Variants in MIPEP observed in about 807,000 individuals in gnomAD.
MIPEP encodes mitochondrial intermediate peptidase.
MIPEP carries 79 observed loss-of-function variants against 90.3 expected under a neutral mutation model. The observed-to-expected ratio is 0.87, with a 90% CI of 0.73 to 1.05. The LOEUF is 1.05. Ranked by LOEUF, MIPEP falls within the 50% of genes least tolerant of loss-of-function variation. MIPEP has a pLI of 0.00. For missense variants in MIPEP, 940 were observed against 905.6 expected, an observed-to-expected ratio of 1.04 and a Z score of -0.49; for synonymous variants, 334 against 315.8, an observed-to-expected ratio of 1.06 and a Z score of -0.61.
chr13:23,803,486 C>T (rs1316300020), intron 16 of MIPEP, among the ~76,000 whole-genome samples: 1 of 152,136 alleles, frequency 6.6e-6, no homozygotes, highest in Non-Finnish European at 1.5e-5. Context: ...TTTTTGTGTG[C>T]AGTGTGATAC....
At chr13:23,865,461 AAAC>A (rs758576778) in intron 7 of MIPEP, among the ~76,000 whole-genome samples, 28 of 152,338 alleles carry the variant, frequency 1.8e-4, no homozygotes, top group Admixed American at 3.3e-4. Flanking sequence ...GTGCCATATG[AAAC>A]AACAATAGGA....
At chr13:23,786,900 C>T (rs896953337) in intron 16 of MIPEP, among the ~76,000 whole-genome samples, 1 of 152,102 alleles carries the variant, frequency 6.6e-6, no homozygotes, top group African/African-American at 2.4e-5. Flanking sequence ...GTTATGCAGA[C>T]CTTCTATAAT....
intron 16 of MIPEP, among the ~76,000 whole-genome samples, chr13:23,800,159 G>A (rs1323496930): frequency 6.6e-6 from 1 of 152,158 alleles, no homozygotes; most frequent in African/African-American, 2.4e-5. Context: ...AAAACCTAGA[G>A]TCAGCTGTTC....
chr13:23,832,618 T>C (rs1442340665), intron 14 of MIPEP, among the ~76,000 whole-genome samples: 1 of 152,074 alleles, frequency 6.6e-6, no homozygotes, highest in Non-Finnish European at 1.5e-5. Context: ...ACGCGGAAGG[T>C]AAAAATCTAC....
chr13:23,784,792 G>C (rs1400782239), intron 16 of MIPEP, among the ~76,000 whole-genome samples: 1 of 152,044 alleles, frequency 6.6e-6, no homozygotes, highest in Non-Finnish European at 1.5e-5. Context: ...AAATTTACAA[G>C]AATAAAACAA....
chr13:23,763,681 A>G (rs1952568789), intron 16 of MIPEP, among the ~76,000 whole-genome samples: 1 of 152,208 alleles, frequency 6.6e-6, no homozygotes, highest in Non-Finnish European at 1.5e-5. Context: ...AGACATCAGG[A>G]TTTGTGCATG....
rs139430390 is a variant in MIPEP, at chr13:23,769,209, G to A, written c.1849-8992C>T. Among the ~76,000 whole-genome samples the A allele has an allele frequency of 3.5e-3, 535 of 152,324 alleles. 4 individuals carry two copies. Among genetic ancestry groups the A allele is most frequent in the Middle Eastern group, 0.017 (5 of 294 alleles). On this transcript the variant is annotated intron_variant, in intron 16 of 18. Coordinates refer to ENST00000382172, the MANE Select transcript of MIPEP (RefSeq NM_005932.4). The stretch of plus-strand genomic sequence containing the variant: ...AAAATAAGGACGTCCATGGTCAGGA[G>A]AGTCAGCCCAGGACAGCAACGGGGC...
intron 18 of MIPEP, among the ~76,000 whole-genome samples, chr13:23,736,398 G>A (rs945821469): frequency 7.2e-5 from 11 of 152,140 alleles, no homozygotes; most frequent in Admixed American, 2.6e-4. Context: ...TAAAGAGTGA[G>A]AATTTAATGT....
At chr13:23,874,389 G>A (rs536291678) in intron 5 of MIPEP, among the ~76,000 whole-genome samples, 1 of 151,972 alleles carries the variant, frequency 6.6e-6, no homozygotes, top group Admixed American at 6.5e-5. Flanking sequence ...GTAAAATGAA[G>A]GGGATGGACT....
chr13:23,735,941 A>G (rs1952259187), intron 18 of MIPEP, among the ~76,000 whole-genome samples: 1 of 152,196 alleles, frequency 6.6e-6, no homozygotes, highest in Admixed American at 6.5e-5. Context: ...AGGTAGTTCC[A>G]CAAGTAAGAA....
At chr13:23,781,072 G>A (rs1336528984) in intron 16 of MIPEP, among the ~76,000 whole-genome samples, 1 of 152,132 alleles carries the variant, frequency 6.6e-6, no homozygotes, top group Non-Finnish European at 1.5e-5. Context: ...TAGCAAGGCA[G>A]GCCAACATTC....
At chr13:23,879,147 G>A in intron 4 of MIPEP, 121 bp downstream of exon 4, 2 of 690,656 alleles carry the variant, frequency 2.9e-6, no homozygotes, top group South Asian at 3.6e-5. Flanking sequence ...GAGTCATAGA[G>A]ATACCTGGGG....
intron 16 of MIPEP, among the ~76,000 whole-genome samples, chr13:23,761,128 T>C (rs1952538071): frequency 7.5e-6 from 1 of 134,166 alleles, no homozygotes; most frequent in Non-Finnish European, 1.6e-5. Context: ...GAATGCATTC[T>C]TTTTTTTTTT....
At chr13:23,795,331 T>C (rs1186046706) in intron 16 of MIPEP, among the ~76,000 whole-genome samples, 2 of 152,204 alleles carry the variant, frequency 1.3e-5, no homozygotes, top group African/African-American at 4.8e-5. Flanking sequence ...TAATAGACAA[T>C]ATATTTGTTT....
intron 14 of MIPEP, among the ~76,000 whole-genome samples, chr13:23,826,144 G>C (rs1868442924): frequency 6.6e-6 from 1 of 152,028 alleles, no homozygotes; most frequent in South Asian, 2.1e-4. Context: ...TTGTTCATCG[G>C]GGAAACTATG....
intron 16 of MIPEP, among the ~76,000 whole-genome samples, chr13:23,780,467 C>A (rs7323911): frequency 0.29 from 43,807 of 151,804 alleles, 6,661 homozygotes; most frequent in South Asian, 0.48. Flanking sequence ...TCACCATCAT[C>A]AAAGACCAAA....
chr13:23,862,621 C>T (rs9510909), intron 8 of MIPEP, among the ~76,000 whole-genome samples: 57,334 of 151,918 alleles, frequency 0.38, 10,971 homozygotes, highest in East Asian at 0.46. Context: ...CTTGGAAAAA[C>T]TAGCAATGTC....
At position 23,809,274 on chromosome 13, in the gene MIPEP, T is replaced by C. The variant is rs539163318; in HGVS notation, c.1728+576A>G. ...AATTAAGTTTGAGCCTTAATTTAGC[T>C]GGCAAAATGTGTGATTTAGAAGTTG... On this transcript the variant is annotated intron_variant, in intron 15 of 18. Coordinates refer to ENST00000382172, the MANE Select transcript of MIPEP (RefSeq NM_005932.4). Among the ~76,000 whole-genome samples, 5 of 152,306 alleles carry C rather than the reference T, an allele frequency of 3.3e-5. No homozygotes were observed. In the South Asian group the frequency reaches 1.0e-3, roughly 32 times the overall value.
chr13:23,738,502 T>G, intron 18 of MIPEP, among the ~76,000 whole-genome samples: 1 of 150,614 alleles, frequency 6.6e-6, no homozygotes, highest in Non-Finnish European at 1.5e-5. Flanking sequence ...CAGGCTGGAG[T>G]GCAGTGGTGC....
Sources: allele counts gnomAD v4.1 joint callset (sites outside exome capture counted in the v4.1 genomes callset), GRCh38; gene constraint gnomAD v4.1.1; transcripts MANE v1.5; gene names NCBI Gene and HGNC (gene_info 2026-07-23, HGNC 2026-07-21).